Variants in PDLIM5 observed in about 807,000 individuals in gnomAD.
PDLIM5 encodes the protein PDZ and LIM domain 5, also known as PDZ and LIM domain protein 5.
In PDLIM5, 34 loss-of-function variants were observed where a neutral mutation model predicts 64.2. The observed-to-expected ratio is 0.53, with a 90% CI of 0.40 to 0.71. The LOEUF (loss-of-function observed/expected upper bound fraction) is 0.71. Among genes scored for constraint, PDLIM5 ranks in the 30% least tolerant of loss-of-function variants. The pLI is 0.00. For missense variants in PDLIM5, 683 were observed against 733.6 expected (o/e 0.93, Z 0.80); for synonymous variants, 253 against 269.1 (o/e 0.94, Z 0.59).
chr4:94,490,444 A>G (rs1213721239), intron 2 of PDLIM5, among the ~76,000 whole-genome samples: 2 of 152,122 alleles, frequency 1.3e-5, no homozygotes, highest in Non-Finnish European at 2.9e-5. Context: ...ACTATGTATT[A>G]TTTATTCATA....
chr4:94,494,040 G>T (rs72667616), intron 2 of PDLIM5, among the ~76,000 whole-genome samples: 3,977 of 151,798 alleles, frequency 0.026, 75 homozygotes, highest in South Asian at 0.046. Context: ...GCTCACTGTA[G>T]CCTCTACTTG....
intron 8 of PDLIM5, among the ~76,000 whole-genome samples, chr4:94,638,921 A>G (rs964495180): frequency 2.6e-5 from 4 of 152,186 alleles, no homozygotes; most frequent in African/African-American, 7.2e-5. Flanking sequence ...TATCTAGTTA[A>G]GGGAAGGAAA....
At chr4:94,628,886 G>C (rs1382075915) in intron 8 of PDLIM5, among the ~76,000 whole-genome samples, 1 of 151,344 alleles carries the variant, frequency 6.6e-6, no homozygotes. Flanking sequence ...GTATTCCTGA[G>C]GTCATGCATT....
chr4:94,576,934 T>A (rs1448808924), intron 5 of PDLIM5, among the ~76,000 whole-genome samples: 1 of 152,188 alleles, frequency 6.6e-6, no homozygotes, highest in Non-Finnish European at 1.5e-5. Flanking sequence ...GAAATTTATG[T>A]TGAGGAGCAA....
At chr4:94,660,281 C>T (rs1382892988) in intron 11 of PDLIM5, among the ~76,000 whole-genome samples, 1 of 152,106 alleles carries the variant, frequency 6.6e-6, no homozygotes, top group Non-Finnish European at 1.5e-5. Flanking sequence ...CATAAGCAGC[C>T]CTTTGGCATT....
In PDLIM5 at chr4:94,575,753, C is replaced by T. The variant is rs1735188755; in HGVS notation, c.429C>T (p.Ile143=). The change falls in exon 5 of 13, where the codon ATC becomes ATT. Residue 143 remains isoleucine, a synonymous_variant. Coordinates refer to ENST00000317968, the MANE Select transcript of PDLIM5 (RefSeq NM_006457.5). ...TGTCTTCACCAAAAGTCACATCCATCCCATCACCATCGTCTGCCTTCACCC... is the reference window on the plus strand; with the variant it reads ...TGTCTTCACCAAAAGTCACATCCATTCCATCACCATCGTCTGCCTTCACCC... ...GSVSSPKVTS[I]PSPSSAFTPA... The T allele has an allele frequency of 6.2e-7, 1 of 1,614,020 alleles. No homozygotes were observed. The highest frequency in any genetic ancestry group is 1.7e-5 in the Admixed American group (1 of 60,000).
At chr4:94,501,865 A>T (rs1406426779) in intron 2 of PDLIM5, among the ~76,000 whole-genome samples, 1 of 152,196 alleles carries the variant, frequency 6.6e-6, no homozygotes, top group African/African-American at 2.4e-5. Flanking sequence ...AGAAATAGTG[A>T]TACCCATCAG....
intron 2 of PDLIM5, among the ~76,000 whole-genome samples, chr4:94,472,912 C>T (rs1434432805): frequency 1.3e-5 from 2 of 152,068 alleles, no homozygotes; most frequent in Admixed American, 6.6e-5. Context: ...AAAGATACAG[C>T]AGTGAATAAA....
chr4:94,466,241 T>G (rs1724355217), intron 2 of PDLIM5, among the ~76,000 whole-genome samples: 2 of 152,216 alleles, frequency 1.3e-5, no homozygotes, highest in African/African-American at 4.8e-5. Flanking sequence ...CTGTTGGTAT[T>G]ATAGGCCTGA....
intron 5 of PDLIM5, among the ~76,000 whole-genome samples, chr4:94,581,906 C>G (rs1294641420): frequency 6.6e-6 from 1 of 152,182 alleles, no homozygotes; most frequent in Non-Finnish European, 1.5e-5. Context: ...CATGTCTTAT[C>G]AGACACGCCT....
At chr4:94,571,561 T>G (rs1280021449) in intron 3 of PDLIM5, among the ~76,000 whole-genome samples, 1 of 152,226 alleles carries the variant, frequency 6.6e-6, no homozygotes, top group Admixed American at 6.5e-5. Context: ...CAAAAGTGAC[T>G]TGTGATGATC....
chr4:94,615,295 C>G (rs563830378), intron 7 of PDLIM5, among the ~76,000 whole-genome samples: 9 of 152,268 alleles, frequency 5.9e-5, no homozygotes, highest in African/African-American at 2.2e-4. Context: ...ACAGCTATTA[C>G]AAATCAGCAT....
At chr4:94,634,789 G>A (rs558759426) in intron 8 of PDLIM5, among the ~76,000 whole-genome samples, 55 of 152,204 alleles carry the variant, frequency 3.6e-4, no homozygotes, top group African/African-American at 1.2e-3. Flanking sequence ...TTCTTAATCC[G>A]GTGAGAAAAC....
At chr4:94,588,528 A>G (rs893930209) in intron 7 of PDLIM5, among the ~76,000 whole-genome samples, 8 of 152,048 alleles carry the variant, frequency 5.3e-5, no homozygotes, top group African/African-American at 9.7e-5. Context: ...GCACCATTGC[A>G]TTCCAGCCTG....
chr4:94,580,973 A>G (rs1197719927), intron 5 of PDLIM5, among the ~76,000 whole-genome samples: 5 of 152,276 alleles, frequency 3.3e-5, no homozygotes, highest in East Asian at 3.9e-4. Context: ...TGGGGAATCT[A>G]TTCCAACAAT....
At chr4:94,495,647 T>C (rs540932563) in intron 2 of PDLIM5, among the ~76,000 whole-genome samples, 1 of 152,286 alleles carries the variant, frequency 6.6e-6, no homozygotes, top group African/African-American at 2.4e-5. Context: ...AAGATCATGA[T>C]GCATATTACT....
chr4:94,629,913 T>A (rs1560752249), intron 8 of PDLIM5, among the ~76,000 whole-genome samples: 1 of 152,238 alleles, frequency 6.6e-6, no homozygotes, highest in Non-Finnish European at 1.5e-5. Flanking sequence ...TGGATATGAT[T>A]TCATGCCTGG....
At chr4:94,549,687 G>A (rs1732633608) in intron 3 of PDLIM5, 1 of 152,172 alleles carries the variant, frequency 6.6e-6, no homozygotes, top group South Asian at 2.1e-4. Context: ...GTGTACGTTT[G>A]TAGATACTGT....
intron 3 of PDLIM5, among the ~76,000 whole-genome samples, chr4:94,552,711 A>G (rs1732916733): frequency 6.6e-6 from 1 of 152,188 alleles, no homozygotes. Flanking sequence ...TAAGAAAAAA[A>G]TATAAGTAGA....
Sources: allele counts gnomAD v4.1 joint callset (sites outside exome capture counted in the v4.1 genomes callset), GRCh38; gene constraint gnomAD v4.1.1; transcripts MANE v1.5; gene names NCBI Gene and HGNC (gene_info 2026-07-23, HGNC 2026-07-21).